The following CRY1 variants were observed in gnomAD, a reference collection of about 807,000 sequenced individuals.
The protein encoded by CRY1 is cryptochrome-1.
Under a neutral mutation model 76.0 loss-of-function variants are expected in CRY1, and 45 were observed. That is an observed-to-expected ratio of 0.59 (90% confidence interval 0.47 to 0.76). The LOEUF is 0.76. CRY1 is among the 30% of genes least tolerant of loss of function. The pLI is 0.00. For missense variants in CRY1, 587 were observed against 716.4 expected (o/e 0.82, Z 2.06); for synonymous variants, 248 against 244.0 (o/e 1.02, Z -0.15).
intron 7 of CRY1, among the ~76,000 whole-genome samples, chr12:106,999,248 A>G (rs1057505621): frequency 4.6e-5 from 7 of 152,134 alleles, no homozygotes; most frequent in Non-Finnish European, 8.8e-5. Context: ...CGTGATAGAA[A>G]TATCACCTAT....
chr12:107,092,176 A>G (rs1341331082), intron 1 of CRY1, among the ~76,000 whole-genome samples: 2 of 152,180 alleles, frequency 1.3e-5, no homozygotes, highest in Non-Finnish European at 2.9e-5. Flanking sequence ...AAAGATCATA[A>G]AGCATCTCTA....
intron 1 of CRY1, among the ~76,000 whole-genome samples, chr12:107,023,114 C>T (rs1181007160): frequency 1.3e-5 from 2 of 152,136 alleles, no homozygotes; most frequent in South Asian, 2.1e-4. Flanking sequence ...TTCAGCTGGA[C>T]GTATCTTATT....
intron 2 of CRY1, among the ~76,000 whole-genome samples, chr12:107,020,544 G>GT (rs997983014): frequency 5.4e-5 from 8 of 148,740 alleles, no homozygotes; most frequent in Non-Finnish European, 7.4e-5. Context: ...TTTGTTTTTT[G>GT]TTTTTTTTAA....
At chr12:107,047,452 T>C (rs1274046348) in intron 1 of CRY1, among the ~76,000 whole-genome samples, 2 of 152,170 alleles carry the variant, frequency 1.3e-5, no homozygotes, top group Non-Finnish European at 2.9e-5. Context: ...AAATCTCATC[T>C]TGAATTGTAG....
At position 106,997,675 on chromosome 12, in the gene CRY1, G is replaced by C. The variant is rs779655669; in HGVS notation, c.1305C>G (p.Val435=). 6.2e-7 allele frequency: 1 copy of C among 1,613,970 alleles called. No individual in the cohort carries two copies. The highest frequency in any genetic ancestry group is 1.6e-4 in the Middle Eastern group (1 of 6,062). ...NGDYIRRYLP[V]LRGFPAKYIY... ...TATATTTTGCAGGGAAGCCTCTTAG[G>C]ACAGGCAAATAACGCCTTTGGGAGA... The change falls in exon 9 of 13, where the codon GTC becomes GTG. Residue 435 remains valine (V), a synonymous_variant. Coordinates refer to ENST00000008527, the MANE Select transcript of CRY1 (RefSeq NM_004075.5).
chr12:107,029,379 C>T lies in CRY1; in HGVS notation c.159-7187G>A, dbSNP rs553566746. The stretch of plus-strand genomic sequence containing the variant: ...AGCCAAGGTGGGTGGATCACTTGAG[C>T]GCAGGAGTTTGAGACCAGCCTGAGC... On this transcript the variant is annotated intron_variant, in intron 1 of 12. Coordinates refer to ENST00000008527, the MANE Select transcript of CRY1 (RefSeq NM_004075.5). 5.9e-5 allele frequency among the ~76,000 whole-genome samples: 9 copies of T among 151,988 alleles called. 1 individual carries two copies. Among genetic ancestry groups the T allele is most frequent in the African/African-American group, 1.9e-4 (8 of 41,454 alleles).
At chr12:106,994,313 C>T (rs918080314) in intron 10 of CRY1, among the ~76,000 whole-genome samples, 11 of 152,154 alleles carry the variant, frequency 7.2e-5, no homozygotes, top group African/African-American at 2.7e-4. Context: ...ATCTGACTAC[C>T]CAAATGCTAC....
At chr12:107,088,836 C>A (rs949764556) in intron 1 of CRY1, among the ~76,000 whole-genome samples, 1 of 152,188 alleles carries the variant, frequency 6.6e-6, no homozygotes, top group Admixed American at 6.5e-5. Flanking sequence ...AATCATCCAT[C>A]ACCTTCTAGA....
chr12:107,005,241 T>C lies in CRY1; in HGVS notation c.275A>G (p.Asn92Ser), dbSNP rs973991991. 6.2e-7 allele frequency: 1 copy of C among 1,610,616 alleles called. No individual in the cohort carries two copies. Among genetic ancestry groups the C allele is most frequent in the African/African-American group, 1.3e-5 (1 of 74,768 alleles). Residue 92 changes from asparagine (N) to serine (S), a missense_variant, in exon 3 of 13, where the codon AAC becomes AGC. Coordinates refer to ENST00000008527, the MANE Select transcript of CRY1 (RefSeq NM_004075.5). ...ATACTCAATTGAAAGTTTAGTAATG[T>C]TCCATTCCTAAAGTAAGAGAAAGGG... ...DVFPRLFKEW[N>S]ITKLSIEYDS...
intron 3 of CRY1, among the ~76,000 whole-genome samples, chr12:107,002,938 T>G (rs1327198413): frequency 2.0e-5 from 3 of 152,234 alleles, no homozygotes; most frequent in African/African-American, 7.2e-5. Flanking sequence ...TTGTGAGGCC[T>G]TCTGAGCCGT....
At chr12:107,089,281 A>T (rs1405092830) in intron 1 of CRY1, among the ~76,000 whole-genome samples, 1 of 152,172 alleles carries the variant, frequency 6.6e-6, no homozygotes, top group African/African-American at 2.4e-5. Flanking sequence ...ATTTACCCAA[A>T]TCAAAAACAT....
At chr12:107,045,739 A>G (rs1252824430) in intron 1 of CRY1, among the ~76,000 whole-genome samples, 1 of 151,956 alleles carries the variant, frequency 6.6e-6, no homozygotes, top group Admixed American at 6.6e-5. Flanking sequence ...CAGCTCACTC[A>G]TAGTGGGGGA....
At chr12:107,029,100 C>T (rs1952648568) in intron 1 of CRY1, among the ~76,000 whole-genome samples, 1 of 152,114 alleles carries the variant, frequency 6.6e-6, no homozygotes, top group Non-Finnish European at 1.5e-5. Context: ...GACAGGGTCT[C>T]GTTATGTTGC....
intron 10 of CRY1, among the ~76,000 whole-genome samples, chr12:106,994,630 G>A (rs1030198657): frequency 5.9e-5 from 9 of 152,102 alleles, no homozygotes; most frequent in Non-Finnish European, 8.8e-5. Flanking sequence ...CATTTGTGAA[G>A]CAAAATTGTC....
At chr12:107,008,487 T>C (rs1252232089) in intron 2 of CRY1, among the ~76,000 whole-genome samples, 1 of 152,058 alleles carries the variant, frequency 6.6e-6, no homozygotes, top group East Asian at 1.9e-4. Flanking sequence ...GGGGATGGGG[T>C]ATGAGGTGGT....
At position 107,093,198 on chromosome 12, in the gene CRY1, T is replaced by G; in HGVS notation, c.-237A>C. On this transcript the variant is annotated 5_prime_UTR_variant, in exon 1 of 13. It removes the in-frame stop codon of an upstream open reading frame in the 5' UTR. Coordinates refer to ENST00000008527, the MANE Select transcript of CRY1 (RefSeq NM_004075.5). ...GGCGGAGTCCGGGTGTGACGCCCTT[T>G]AGGAGCCCGCGCCCGCCGCAACCGC... 4.3e-6 allele frequency: 2 copies of G among 463,034 alleles called. No individual in the cohort carries two copies. The highest frequency in any genetic ancestry group is 9.2e-5 in the South Asian group (2 of 21,764). 28.7% of individuals were successfully genotyped at this position (463,034 alleles called of 1,614,324 possible).
At chr12:107,027,920 A>C (rs139265493) in intron 1 of CRY1, among the ~76,000 whole-genome samples, 1 of 152,346 alleles carries the variant, frequency 6.6e-6, no homozygotes, top group African/African-American at 2.4e-5. Context: ...ACAAGGCATT[A>C]AGAACATGTA....
At chr12:107,009,005 T>C (rs1952406595) in intron 2 of CRY1, among the ~76,000 whole-genome samples, 1 of 152,240 alleles carries the variant, frequency 6.6e-6, no homozygotes, top group Non-Finnish European at 1.5e-5. Flanking sequence ...CAGGTATGTC[T>C]TTATTTGCAG....
chr12:107,014,983 T>C (rs1034407442), intron 2 of CRY1, among the ~76,000 whole-genome samples: 5 of 152,148 alleles, frequency 3.3e-5, no homozygotes, highest in Admixed American at 1.3e-4. Flanking sequence ...GTTCAAGTGT[T>C]TCTCCTGCCT....
Sources: allele counts gnomAD v4.1 joint callset (sites outside exome capture counted in the v4.1 genomes callset), GRCh38; gene constraint gnomAD v4.1.1; transcripts MANE v1.5; gene names NCBI Gene and HGNC (gene_info 2026-07-23, HGNC 2026-07-21).